The following DISC1 variants were observed in gnomAD, a reference collection of about 807,000 sequenced individuals.
DISC1 encodes the protein DISC1 scaffold protein, also known as disrupted in schizophrenia 1 protein.
Under a neutral mutation model 84.5 loss-of-function variants are expected in DISC1, and 57 were observed. The ratio of observed to expected loss-of-function variants is 0.67; its 90% CI spans 0.55 to 0.84. The LOEUF is 0.84. Among genes scored for constraint, DISC1 ranks in the 40% least tolerant of loss-of-function variants. The probability of loss-of-function intolerance (pLI) is 0.00; values close to 1 mark genes in which losing one functional copy is unlikely to be tolerated. For synonymous variants in DISC1, 411 were observed against 415.2 expected (o/e 0.99, Z 0.12); for missense variants, 1,000 against 1,057.8 (o/e 0.95, Z 0.76).
chr1:231,777,422 A>G (rs912901226), intron 6 of DISC1, among the ~76,000 whole-genome samples: 2 of 151,990 alleles, frequency 1.3e-5, no homozygotes, highest in African/African-American at 2.4e-5. Context: ...GGGTCTTGCT[A>G]TGTTGCCAGG....
chr1:231,940,897 G>C (rs1432247004), intron 9 of DISC1: 2 of 152,260 alleles, frequency 1.3e-5, no homozygotes, highest in Non-Finnish European at 2.9e-5. Flanking sequence ...TCACAGCAGG[G>C]AGCTTTAACA....
Position 231,977,406 on chromosome 1 carries a change from T to C in DISC1, c.2042+18518T>C, listed in dbSNP as rs777844782. The stretch of plus-strand genomic sequence containing the variant: ...TTTGCTTGCCTTTTTCATCTCCTAG[T>C]GGCCACCTGCACTCCTTGGCTTGTG... On this transcript the variant is annotated intron_variant, in intron 10 of 12. Transcript: ENST00000439617. Among the ~76,000 whole-genome samples, 5 of 152,310 alleles carry C rather than the reference T, an allele frequency of 3.3e-5. No homozygotes were observed. In the East Asian group the frequency reaches 5.8e-4, roughly 18 times the overall value.
chr1:231,701,268 A>C (rs2066380495), intron 2 of DISC1, among the ~76,000 whole-genome samples: 1 of 152,166 alleles, frequency 6.6e-6, no homozygotes. Context: ...ACCCACCCCC[A>C]TGATTCAATT....
intron 3 of DISC1, among the ~76,000 whole-genome samples, chr1:231,707,605 C>A (rs927645369): frequency 6.6e-6 from 1 of 152,180 alleles, no homozygotes; most frequent in Admixed American, 6.5e-5. Flanking sequence ...TCACCATTGG[C>A]TATGATCTCT....
chr1:231,853,056 C>G (rs1185506858), intron 9 of DISC1, among the ~76,000 whole-genome samples: 7 of 152,248 alleles, frequency 4.6e-5, no homozygotes, highest in Non-Finnish European at 1.0e-4. Flanking sequence ...TTAAACAGAA[C>G]CAAATGCATT....
rs996375600 is a variant in DISC1, at chr1:231,853,282, T to C, written c.1981+34765T>C. Among the ~76,000 whole-genome samples, 6 of 152,210 alleles carry C rather than the reference T, an allele frequency of 3.9e-5. No homozygotes were observed. The East Asian group carries it at 7.7e-4, about 20-fold the overall frequency. On this transcript the variant is annotated intron_variant, in intron 9 of 12. Transcript: ENST00000439617. ...ATCATTTAATGTTGGGGATACGTTA[T>C]GAGAAATGCATCGTTAGGCAATTTT...
chr1:231,694,072 C>T lies in DISC1; in HGVS notation c.314C>T (p.Ala105Val). 1 of 1,614,188 alleles carries T rather than the reference C, an allele frequency of 6.2e-7. No individual in the cohort carries two copies. Among genetic ancestry groups the T allele is most frequent in the Non-Finnish European group, 8.5e-7 (1 of 1,180,024 alleles). ...VRSPVSKSAA[A>V]PTVTSVRGTS... is the part of the protein sequence containing the mutation. Reference sequence around the variant, plus strand: ...AGCCCTGTTTCCAAGAGTGCAGCAGCCCCTACTGTGACCTCTGTGAGAGGA... The same window carrying T: ...AGCCCTGTTTCCAAGAGTGCAGCAGTCCCTACTGTGACCTCTGTGAGAGGA... Residue 105 changes from alanine to valine, a missense_variant, in exon 2 of 13, where the codon GCC becomes GTC. Physicochemically the swap from Ala to Val is moderately conservative, Grantham distance 64. Transcript: ENST00000439617.
At chr1:231,858,438 C>T (rs1002302170) in intron 9 of DISC1, among the ~76,000 whole-genome samples, 2 of 152,090 alleles carry the variant, frequency 1.3e-5, no homozygotes, top group African/African-American at 4.8e-5. Flanking sequence ...TTTTGAAAGC[C>T]TTATTAAGAG....
chr1:231,985,453 C>T (rs1392080271), intron 10 of DISC1, among the ~76,000 whole-genome samples: 1 of 151,828 alleles, frequency 6.6e-6, no homozygotes, highest in East Asian at 1.9e-4. Flanking sequence ...GCTCAGTTAA[C>T]GTTTTCCTGC....
chr1:231,813,483 G>A (rs2080540136), intron 8 of DISC1: 1 of 152,186 alleles, frequency 6.6e-6, no homozygotes, highest in African/African-American at 2.4e-5. Context: ...GAGGTTCTTT[G>A]TGGCATGCGG....
intron 10 of DISC1, among the ~76,000 whole-genome samples, chr1:232,000,280 A>G (rs11122389): frequency 0.047 from 7,174 of 152,330 alleles, 559 homozygotes; most frequent in African/African-American, 0.16. Context: ...AATGTAAATT[A>G]TAGAACTAAA....
chr1:232,023,534 G>A lies in DISC1; in HGVS notation c.2308-2901G>A, dbSNP rs542023168. On this transcript the variant is annotated intron_variant, in intron 11 of 12. Transcript: ENST00000439617. ...TCTTAAGATATGAACAATTTAAAGC[G>A]CTTGTTATGTGGTCTGAAATTGCTT... Among the ~76,000 whole-genome samples the A allele has an allele frequency of 6.6e-5, 10 of 152,206 alleles. No individual in the cohort carries two copies. The South Asian group carries it at 1.2e-3, about 19-fold the overall frequency.
intron 9 of DISC1, among the ~76,000 whole-genome samples, chr1:231,840,332 A>G (rs2082944319): frequency 6.6e-6 from 1 of 152,196 alleles, no homozygotes; most frequent in Admixed American, 6.5e-5. Flanking sequence ...ATAAAAATTT[A>G]TATCCCACAA....
Position 232,036,814 on chromosome 1 carries a change from C to G in DISC1, c.2548C>G (p.His850Asp), listed in dbSNP as rs1218309153. 1 of 1,591,718 alleles carries G rather than the reference C, an allele frequency of 6.3e-7. No homozygotes were observed. The highest frequency in any genetic ancestry group is 1.1e-5 in the South Asian group (1 of 87,780). The change falls in exon 13 of 13, where the codon CAC becomes GAC. Residue 850 changes from histidine (H) to aspartate (D), a missense_variant. Transcript: ENST00000439617. ...AAASCMTAGV[H>D]EAQA ...AGCTTCCTGCATGACAGCTGGTGTC[C>G]ACGAAGCACAAGCCTGAGGAGTGAC...
chr1:231,873,895 C>T (rs1452841544), intron 9 of DISC1, among the ~76,000 whole-genome samples: 1 of 151,828 alleles, frequency 6.6e-6, no homozygotes, highest in Non-Finnish European at 1.5e-5. Flanking sequence ...AGGCTGAATG[C>T]TGAAGTGCAG....
chr1:231,743,909 T>G (rs201563480), intron 3 of DISC1, among the ~76,000 whole-genome samples: 7 of 152,188 alleles, frequency 4.6e-5, no homozygotes, highest in Non-Finnish European at 7.4e-5. Context: ...CCCTTTCCTC[T>G]ACCTTTTTGG....
In DISC1 at chr1:231,818,504, GGA is replaced by G; in HGVS notation, c.1971_1972del (p.Glu657AspfsTer4). 1 of 1,614,126 alleles carries G rather than the reference GGA, an allele frequency of 6.2e-7. No individual in the cohort carries two copies. Among genetic ancestry groups the G allele is most frequent in the Non-Finnish European group, 8.5e-7 (1 of 1,179,982 alleles). On this transcript the variant is annotated frameshift_variant, in exon 9 of 13. Coordinates refer to ENST00000439617, the MANE Select transcript of DISC1 (RefSeq NM_018662.3). LOFTEE classifies it high-confidence loss of function. The part of the protein sequence containing the change: ...NRLRREVEHQ[E>X]TAYETSVKEN... The stretch of plus-strand genomic sequence containing the variant: ...GACTGAGAAGAGAAGTGGAGCACCA[GGA>G]GACTGCCTATGGTAGGTAGTGCACA...
At chr1:231,876,285 G>T (rs1277996593) in intron 9 of DISC1, among the ~76,000 whole-genome samples, 6 of 152,138 alleles carry the variant, frequency 3.9e-5, no homozygotes, top group African/African-American at 1.4e-4. Flanking sequence ...TTGCTCTCTT[G>T]CTCCTGCTTT....
At chr1:231,925,639 G>A (rs1464543649) in intron 9 of DISC1, among the ~76,000 whole-genome samples, 1 of 152,198 alleles carries the variant, frequency 6.6e-6, no homozygotes, top group East Asian at 1.9e-4. Flanking sequence ...TGGATTATAA[G>A]ATCTTTGCAG....
Sources: gnomAD v4.1 joint callset for allele counts (sites outside exome capture counted in the v4.1 genomes callset) on GRCh38, gnomAD v4.1.1 for gene constraint, MANE v1.5 for transcripts, NCBI Gene and HGNC (gene_info 2026-07-23, HGNC 2026-07-21) for gene names.